The following RGMB variants were observed in gnomAD, a reference collection of about 807,000 sequenced individuals.
The protein encoded by RGMB is repulsive guidance molecule B.
A neutral mutation model predicts 26.9 loss-of-function variants in RGMB; 16 were observed. The ratio of observed to expected loss-of-function variants is 0.60; its 90% confidence interval spans 0.40 to 0.90. RGMB has a LOEUF of 0.90. RGMB is among the 40% of genes least tolerant of loss of function. The pLI is 0.00. For missense variants in RGMB, 512 were observed against 573.3 expected, an observed-to-expected ratio of 0.89 and a Z score of 1.09; for synonymous variants, 225 against 229.3, an observed-to-expected ratio of 0.98 and a Z score of 0.17.
chr5:98,785,322 G>A (rs377509397), intron 2 of RGMB, among the ~76,000 whole-genome samples: 1 of 152,306 alleles, frequency 6.6e-6, no homozygotes, highest in Non-Finnish European at 1.5e-5. Flanking sequence ...GGGAAAGCAC[G>A]GGGTTTGTGT....
intron 2 of RGMB, among the ~76,000 whole-genome samples, chr5:98,782,456 ACTTT>A (rs1248485237): frequency 6.6e-6 from 1 of 152,232 alleles, no homozygotes; most frequent in Non-Finnish European, 1.5e-5. Flanking sequence ...CTACCACCAT[ACTTT>A]CTTTAAAAAA....
chr5:98,776,403 T>C (rs1746402637), intron 1 of RGMB, among the ~76,000 whole-genome samples: 1 of 152,244 alleles, frequency 6.6e-6, no homozygotes, highest in African/African-American at 2.4e-5. Flanking sequence ...CTGCAATTCC[T>C]GAATAGAGAT....
chr5:98,793,334 C>G lies in RGMB; in HGVS notation c.895C>G (p.Leu299Val). Residue 299 changes from leucine (L) to valine (V), a missense_variant, in exon 3 of 3, where the codon CTG becomes GTG. Coordinates refer to ENST00000513185, the MANE Select transcript of RGMB (RefSeq NM_001366508.1). ...LTLAIRMPEDLAMSYEESQDL... is the reference protein window; with the variant it reads ...LTLAIRMPEDVAMSYEESQDL... ...CCTTGCCATCCGTATGCCTGAAGAC[C>G]TGGCCATGTCCTACGAGGAGAGCCA... 1.9e-6 allele frequency: 3 copies of G among 1,613,852 alleles called. No individual in the cohort carries two copies. The highest frequency in any genetic ancestry group is 2.5e-6 in the Non-Finnish European group (3 of 1,179,846).
intron 1 of RGMB, among the ~76,000 whole-genome samples, chr5:98,777,289 C>G (rs1047577499): frequency 6.6e-6 from 1 of 152,060 alleles, no homozygotes; most frequent in African/African-American, 2.4e-5. Flanking sequence ...ATAAAAAGAA[C>G]AAATAGGCAC....
chr5:98,793,163 G>A lies in RGMB; in HGVS notation c.724G>A (p.Ala242Thr), dbSNP rs749896271. ...AGCTGTGACAGATGACCTGCCGGCC[G>A]CCTTTGTGGATGGCACCACCAGTGG... The part of the protein sequence containing the change: ...YQAVTDDLPA[A>T]FVDGTTSGGD... Residue 242 changes from alanine (A) to threonine (T), a missense_variant, in exon 3 of 3, where the codon GCC (alanine) becomes ACC (threonine). Coordinates refer to ENST00000513185, the MANE Select transcript of RGMB (RefSeq NM_001366508.1). 3.7e-6 allele frequency: 6 copies of A among 1,613,932 alleles called. No homozygotes were observed. The highest frequency in any genetic ancestry group is 3.3e-5 in the Admixed American group (2 of 60,024).
upstream of RGMB, chr5:98,771,024 G>GT (rs2112325508): frequency 8.2e-6 from 2 of 244,870 alleles, no homozygotes; most frequent in African/African-American, 4.4e-5. Context: ...CTGGAGAACA[G>GT]TTAAAAACAT....
chr5:98,774,070 C>G lies in RGMB; in HGVS notation c.-1C>G, dbSNP rs1026653773. The G allele has an allele frequency of 1.0e-6, 1 of 980,520 alleles. No homozygotes were observed. The highest frequency in any genetic ancestry group is 1.4e-5 in the South Asian group (1 of 70,304). 60.7% of individuals were successfully genotyped at this position (980,520 alleles called of 1,614,324 possible). ...AGCCCACGAGACCTGCATGGACGGGCATGGGCTTGAGAGCAGCACCTTCCA... is the reference window on the plus strand; with the variant it reads ...AGCCCACGAGACCTGCATGGACGGGGATGGGCTTGAGAGCAGCACCTTCCA... On this transcript the variant is annotated 5_prime_UTR_variant, in exon 1 of 3. Coordinates refer to ENST00000513185, the MANE Select transcript of RGMB (RefSeq NM_001366508.1).
chr5:98,773,675 G>C lies in RGMB; in HGVS notation c.-396G>C. On this transcript the variant is annotated 5_prime_UTR_variant, in exon 1 of 3. Transcript: ENST00000513185. ...CGGGGGCTGCCGCGCAGAGATATCC[G>C]GGCCGCCGGTGGGTGGTCGCTAGGG... 2.8e-6 allele frequency: 1 copy of C among 356,014 alleles called. No individual in the cohort carries two copies. 22.1% of individuals were successfully genotyped at this position (356,014 alleles called of 1,614,324 possible).
intron 2 of RGMB, 156 bp from the exon 3 acceptor site, chr5:98,792,929 G>C: frequency 1.8e-6 from 1 of 556,456 alleles, no homozygotes; most frequent in East Asian, 2.8e-5. Context: ...TTCTGAAAGT[G>C]ATATCCATTT....
chr5:98,787,298 C>T (rs909811536), intron 2 of RGMB, among the ~76,000 whole-genome samples: 10 of 152,158 alleles, frequency 6.6e-5, no homozygotes, highest in Non-Finnish European at 1.5e-4. Flanking sequence ...CCTCCCAAAG[C>T]TGAAAAATGA....
At chr5:98,778,070 A>G (rs1441515913) in intron 1 of RGMB, among the ~76,000 whole-genome samples, 11 of 152,204 alleles carry the variant, frequency 7.2e-5, no homozygotes, top group Non-Finnish European at 1.6e-4. Context: ...AAAATTTAAA[A>G]TTTAAAATTT....
intron 2 of RGMB, among the ~76,000 whole-genome samples, chr5:98,789,282 C>G (rs1057064607): frequency 6.6e-6 from 1 of 152,186 alleles, no homozygotes; most frequent in Non-Finnish European, 1.5e-5. Flanking sequence ...TGATTAAACA[C>G]AGATAAATGT....
At chr5:98,775,393 TAGAA>T (rs1466753334) in intron 1 of RGMB, among the ~76,000 whole-genome samples, 2 of 152,258 alleles carry the variant, frequency 1.3e-5, no homozygotes, top group African/African-American at 4.8e-5. Context: ...AAAAGTGTAA[TAGAA>T]AGTTTTAGGA....
At chr5:98,785,040 T>C (rs1411936809) in intron 2 of RGMB, among the ~76,000 whole-genome samples, 1 of 152,220 alleles carries the variant, frequency 6.6e-6, no homozygotes, top group Non-Finnish European at 1.5e-5. Context: ...CTCTTTGAGA[T>C]TTGCTCCTTA....
intron 1 of RGMB, among the ~76,000 whole-genome samples, chr5:98,776,956 C>T (rs939579136): frequency 2.0e-4 from 31 of 152,098 alleles, no homozygotes; most frequent in African/African-American, 7.0e-4. Context: ...TGTGGTGGCG[C>T]GTGCCTGTAA....
In RGMB at chr5:98,793,998, G is replaced by C. The variant is rs116849365; in HGVS notation, c.*245G>C. 6.5e-4 allele frequency: 255 copies of C among 391,410 alleles called. 4 individuals carry two copies. The East Asian group carries it at 9.8e-3, about 15-fold the overall frequency. The allele number at this position is 391,410 out of a possible 1,614,324, so 24.2% of individuals were successfully genotyped here. ...CTGTGAAATGTTTTATAATGTCCCT[G>C]CCCAGGGACCTGTTAGAAAGCACTT... On this transcript the variant is annotated 3_prime_UTR_variant, in exon 3 of 3. Coordinates refer to ENST00000513185, the MANE Select transcript of RGMB (RefSeq NM_001366508.1).
intron 1 of RGMB, among the ~76,000 whole-genome samples, chr5:98,776,366 T>C (rs750596201): frequency 6.6e-6 from 1 of 152,118 alleles, no homozygotes; most frequent in Non-Finnish European, 1.5e-5. Context: ...GTTGCTTTAT[T>C]TTATTTTATT....
intron 2 of RGMB, among the ~76,000 whole-genome samples, chr5:98,789,787 A>C (rs899197093): frequency 6.6e-6 from 1 of 152,252 alleles, no homozygotes; most frequent in Non-Finnish European, 1.5e-5. Context: ...ATGGTGTGGC[A>C]TAGAACAGAT....
intron 2 of RGMB, among the ~76,000 whole-genome samples, chr5:98,789,074 T>C (rs972247837): frequency 6.6e-6 from 1 of 152,226 alleles, no homozygotes; most frequent in Admixed American, 6.5e-5. Context: ...GAAATAAAAT[T>C]CATCGACTTC....
Sources: gnomAD v4.1 joint callset for allele counts (sites outside exome capture counted in the v4.1 genomes callset) on GRCh38, gnomAD v4.1.1 for gene constraint, MANE v1.5 for transcripts, NCBI Gene and HGNC (gene_info 2026-07-23, HGNC 2026-07-21) for gene names.